Variants in MGMT observed in about 807,000 individuals in gnomAD.
MGMT encodes the protein methylated-DNA--protein-cysteine methyltransferase.
MGMT carries 14 observed loss-of-function variants against 15.9 expected under a neutral mutation model. The observed-to-expected ratio is 0.88, with a 90% CI of 0.58 to 1.37. MGMT has a LOEUF of 1.37. Among genes scored for constraint, MGMT ranks in the 40% most tolerant of loss-of-function variants. The pLI is 0.00. For missense variants in MGMT, 282 were observed against 268.1 expected (o/e 1.05, Z -0.36); for synonymous variants, 130 against 118.2 (o/e 1.10, Z -0.65).
In MGMT at chr10:129,755,771, C is replaced by G. The variant is rs146992593; in HGVS notation, c.275-3431C>G. 9.2e-5 allele frequency among the ~76,000 whole-genome samples: 14 copies of G among 152,346 alleles called. No homozygotes were observed. The East Asian group carries it at 2.7e-3, about 29-fold the overall frequency. ...TCTGAGCCTGGCCGTGTGCAGTGGA[C>G]GCACAGGTGTGTTTGCTGAGGTGGC... On this transcript the variant is annotated intron_variant, in intron 3 of 4. Transcript: ENST00000651593.
At position 129,659,482 on chromosome 10, in the gene MGMT, A is replaced by G. The variant is rs1847571632; in HGVS notation, c.126-48413A>G. Among the ~76,000 whole-genome samples, 1 of 152,176 alleles carries G rather than the reference A, an allele frequency of 6.6e-6. No individual in the cohort carries two copies. The highest frequency in any genetic ancestry group is 1.5e-5 in the Non-Finnish European group (1 of 68,034). Reference sequence around the variant, plus strand: ...GGCGTAAGGGAGTTAGCTTCATGGCAAGCTCTCTGGAGAACACAGGCCATT... The same window carrying G: ...GGCGTAAGGGAGTTAGCTTCATGGCGAGCTCTCTGGAGAACACAGGCCATT... On this transcript the variant is annotated intron_variant, in intron 2 of 4. Coordinates refer to ENST00000651593, the MANE Select transcript of MGMT (RefSeq NM_002412.5). The surrounding 1 kb of genome is among the most constrained non-coding windows in gnomAD (Gnocchi z 4.1).
intron 3 of MGMT, among the ~76,000 whole-genome samples, chr10:129,720,916 T>A (rs1433261925): frequency 6.6e-6 from 1 of 150,956 alleles, no homozygotes; most frequent in African/African-American, 2.4e-5. Context: ...TCTTCCCTCT[T>A]CTGTTGTAAA....
rs564994336 is a variant in MGMT at position 129,729,409 on chromosome 10, G to A, written c.274+21366G>A. On this transcript the variant is annotated intron_variant, in intron 3 of 4. Coordinates refer to ENST00000651593, the MANE Select transcript of MGMT (RefSeq NM_002412.5). The stretch of plus-strand genomic sequence containing the variant: ...GGCCTCCCTGTCCCACTCCCCTGCC[G>A]GCACCTGCGTGTCCCTGTCCTGCCG... Among the ~76,000 whole-genome samples the A allele has an allele frequency of 3.3e-5, 5 of 152,188 alleles. No individual in the cohort carries two copies. In the South Asian group the frequency reaches 6.2e-4, roughly 19 times the overall value.
chr10:129,668,489 A>G (rs1164750459), intron 2 of MGMT, among the ~76,000 whole-genome samples: 2 of 152,050 alleles, frequency 1.3e-5, no homozygotes, highest in East Asian at 3.9e-4. Context: ...CTCTAAATGG[A>G]TATTTATTCA....
chr10:129,727,405 G>A (rs544170382), intron 3 of MGMT, among the ~76,000 whole-genome samples: 39 of 152,322 alleles, frequency 2.6e-4, no homozygotes, highest in African/African-American at 6.7e-4. Context: ...TCGAGCCTTC[G>A]GATGAGTGCA....
intron 2 of MGMT, among the ~76,000 whole-genome samples, chr10:129,582,393 T>C (rs1846567361): frequency 6.6e-6 from 1 of 152,214 alleles, no homozygotes; most frequent in African/African-American, 2.4e-5. Context: ...GTGCTCTGCC[T>C]CTGACGGGTG....
At chr10:129,738,427 C>T (rs370148063) in intron 3 of MGMT, among the ~76,000 whole-genome samples, 122 of 152,328 alleles carry the variant, frequency 8.0e-4, no homozygotes, top group East Asian at 7.2e-3. Context: ...GCACGGTGCA[C>T]GCACCCACTG....
chr10:129,606,339 A>T (rs1007160285), intron 2 of MGMT, among the ~76,000 whole-genome samples: 2 of 152,222 alleles, frequency 1.3e-5, no homozygotes, highest in African/African-American at 4.8e-5. Flanking sequence ...AACACCGTGT[A>T]CTGAAGTGGG....
intron 3 of MGMT, among the ~76,000 whole-genome samples, chr10:129,723,638 AC>A (rs1848400184): frequency 6.6e-6 from 1 of 152,244 alleles, no homozygotes; most frequent in Non-Finnish European, 1.5e-5. Flanking sequence ...CACATATCTG[AC>A]AAAGGACTTC....
At chr10:129,467,588 C>T (rs12356501) in intron 1 of MGMT, 138,054 of 259,636 alleles carry the variant, frequency 0.53, 40,117 homozygotes, top group East Asian at 0.63. Context: ...GCCCCAGGCC[C>T]GGGCCCCGGG....
At chr10:129,697,251 A>C (rs1001946191) in intron 2 of MGMT, among the ~76,000 whole-genome samples, 3 of 152,180 alleles carry the variant, frequency 2.0e-5, no homozygotes, top group Non-Finnish European at 2.9e-5. Flanking sequence ...AGAGTAAAAG[A>C]AAGTAAATCA....
intron 2 of MGMT, among the ~76,000 whole-genome samples, chr10:129,660,637 T>G (rs1186485914): frequency 6.6e-6 from 1 of 152,148 alleles, no homozygotes; most frequent in Non-Finnish European, 1.5e-5. Context: ...TCCATCTTTC[T>G]CTCCTGCCTC....
intron 2 of MGMT, among the ~76,000 whole-genome samples, chr10:129,633,647 A>G (rs1156903985): frequency 2.6e-5 from 4 of 152,212 alleles, no homozygotes; most frequent in Non-Finnish European, 5.9e-5. Context: ...ATTACCTCCC[A>G]TCTCACAGCC....
At chr10:129,565,577 G>A (rs1333274607) in intron 2 of MGMT, among the ~76,000 whole-genome samples, 2 of 152,234 alleles carry the variant, frequency 1.3e-5, no homozygotes, top group East Asian at 1.9e-4. Flanking sequence ...GTAATTTCTT[G>A]TTGCTTTGGA....
At chr10:129,564,240 CCCCCTTCCCCCTCCTCTT>C (rs1228420917) in intron 2 of MGMT, 1 of 41,724 alleles carries the variant, frequency 2.4e-5, no homozygotes, top group Non-Finnish European at 5.2e-5. Flanking sequence ...CCCTCCTCTT[CCCCCTTCCCCCTCCTCTT>C]CCCCTTCCTC....
At chr10:129,606,801 G>A (rs1034389385) in intron 2 of MGMT, among the ~76,000 whole-genome samples, 1 of 152,134 alleles carries the variant, frequency 6.6e-6, no homozygotes, top group Non-Finnish European at 1.5e-5. Flanking sequence ...AATTAATAAA[G>A]GAATATTGAG....
intron 2 of MGMT, among the ~76,000 whole-genome samples, chr10:129,580,777 A>G (rs1260478115): frequency 6.6e-6 from 1 of 152,152 alleles, no homozygotes; most frequent in Non-Finnish European, 1.5e-5. Flanking sequence ...CAGACACCCC[A>G]CAACTGGGCA....
intron 4 of MGMT, among the ~76,000 whole-genome samples, chr10:129,762,201 C>T (rs1848882046): frequency 6.6e-6 from 1 of 152,160 alleles, no homozygotes; most frequent in Non-Finnish European, 1.5e-5. Context: ...GAGACTCGCT[C>T]ATTGAAAACA....
intron 2 of MGMT, among the ~76,000 whole-genome samples, chr10:129,567,511 A>G (rs1262530903): frequency 1.3e-5 from 2 of 152,074 alleles, no homozygotes; most frequent in African/African-American, 2.4e-5. Context: ...TGGGATGATC[A>G]TGGGGTTCAG....
Sources: gnomAD v4.1 joint callset for allele counts (sites outside exome capture counted in the v4.1 genomes callset) on GRCh38, gnomAD v4.1.1 for gene constraint, Gnocchi (gnomAD v3.1) non-coding constraint, MANE v1.5 for transcripts, NCBI Gene and HGNC (gene_info 2026-07-23, HGNC 2026-07-21) for gene names.